Variants in AUTS2 observed in about 807,000 individuals in gnomAD.
The protein encoded by AUTS2 is activator of transcription and developmental regulator AUTS2, also known as autism susceptibility gene 2 protein.
AUTS2 carries 17 observed loss-of-function variants against 112.4 expected under a neutral mutation model. The observed-to-expected ratio is 0.15, with a 90% confidence interval of 0.10 to 0.23. The LOEUF is 0.23. Ranked by LOEUF, AUTS2 falls within the 10% of genes least tolerant of loss-of-function variation. AUTS2 has a pLI of 1.00. For missense variants in AUTS2, 1,510 were observed against 1,701.6 expected (o/e 0.89, Z 1.98); for synonymous variants, 751 against 702.7 (o/e 1.07, Z -1.09).
intron 2 of AUTS2, among the ~76,000 whole-genome samples, chr7:69,956,458 G>A (rs73429468): frequency 0.01 from 1,556 of 152,058 alleles, 39 homozygotes; most frequent in African/African-American, 0.035. Context: ...TCACTAAATT[G>A]GTTTTACAAT....
intron 4 of AUTS2, among the ~76,000 whole-genome samples, chr7:70,316,399 ATTT>A (rs398005114): frequency 0.084 from 7,776 of 92,472 alleles, 230 homozygotes; most frequent in African/African-American, 0.13. Context: ...CCAGGTCTCT[ATTT>A]TTTTTTTTTT....
intron 2 of AUTS2, among the ~76,000 whole-genome samples, chr7:70,039,697 G>A (rs1193250244): frequency 6.6e-6 from 1 of 152,070 alleles, no homozygotes; most frequent in Non-Finnish European, 1.5e-5. Flanking sequence ...ATTATTTAAC[G>A]AGATTTTTCC....
intron 5 of AUTS2, among the ~76,000 whole-genome samples, chr7:70,510,063 G>A (rs1380814322): frequency 6.6e-6 from 1 of 152,024 alleles, no homozygotes; most frequent in Non-Finnish European, 1.5e-5. Flanking sequence ...TAGGTCTTAG[G>A]TCCCCCAGAT....
intron 1 of AUTS2, among the ~76,000 whole-genome samples, chr7:69,887,266 A>C (rs1277642893): frequency 3.3e-5 from 5 of 151,964 alleles, no homozygotes; most frequent in African/African-American, 1.2e-4. Context: ...AATACAAAAA[A>C]TTAGCCGGGC....
In AUTS2 at chr7:70,309,036, G is replaced by A. The variant is rs547875668; in HGVS notation, c.661-126716G>A. On this transcript the variant is annotated intron_variant, in intron 4 of 18. Coordinates refer to ENST00000342771, the MANE Select transcript of AUTS2 (RefSeq NM_015570.4). Reference sequence around the variant, plus strand: ...TTTAAGAACACTGGAAAGGCAAGTGGTTGTATGGTAGTAGCAATTACATTG... The same window carrying A: ...TTTAAGAACACTGGAAAGGCAAGTGATTGTATGGTAGTAGCAATTACATTG... Among the ~76,000 whole-genome samples the A allele has an allele frequency of 3.9e-5, 6 of 152,320 alleles. 1 individual carries two copies. In the South Asian group the frequency reaches 1.2e-3, roughly 32 times the overall value.
intron 1 of AUTS2, among the ~76,000 whole-genome samples, chr7:69,627,394 G>A (rs1176554768): frequency 6.6e-6 from 1 of 152,138 alleles, no homozygotes; most frequent in African/African-American, 2.4e-5. Context: ...GGGAGGCCGA[G>A]GCAGGAGAAA....
At chr7:70,494,888 A>G (rs1235871119) in intron 5 of AUTS2, among the ~76,000 whole-genome samples, 1 of 152,098 alleles carries the variant, frequency 6.6e-6, no homozygotes, top group Non-Finnish European at 1.5e-5. Context: ...TTTTTTCCCC[A>G]GTCACTGTTA....
chr7:70,584,153 C>T (rs1180522664), intron 5 of AUTS2, among the ~76,000 whole-genome samples: 2 of 152,176 alleles, frequency 1.3e-5, no homozygotes, highest in South Asian at 2.1e-4. Context: ...CCTGTTTCTT[C>T]GCACTGAAGT....
At chr7:69,733,932 A>T (rs1786914475) in intron 1 of AUTS2, among the ~76,000 whole-genome samples, 1 of 152,136 alleles carries the variant, frequency 6.6e-6, no homozygotes, top group African/African-American at 2.4e-5. Flanking sequence ...GTAGTTCTCC[A>T]CGGGAAGGCT....
At chr7:69,750,468 T>C (rs1787688534) in intron 1 of AUTS2, among the ~76,000 whole-genome samples, 2 of 148,238 alleles carry the variant, frequency 1.3e-5, no homozygotes, top group Non-Finnish European at 3.0e-5. Flanking sequence ...TAACAAATAC[T>C]ATGTTAGTAG....
chr7:69,940,675 C>T (rs1375485307), intron 2 of AUTS2, among the ~76,000 whole-genome samples: 1 of 152,154 alleles, frequency 6.6e-6, no homozygotes, highest in Non-Finnish European at 1.5e-5. Context: ...TAACGTGTTT[C>T]TCACTAGTGA....
intron 3 of AUTS2, among the ~76,000 whole-genome samples, chr7:70,130,593 CAAAG>C (rs1278445525): frequency 1.3e-5 from 2 of 151,838 alleles, no homozygotes; most frequent in African/African-American, 4.8e-5. Flanking sequence ...AAGATTGAGA[CAAAG>C]AGAGTGTTTC....
intron 6 of AUTS2, among the ~76,000 whole-genome samples, chr7:70,714,686 C>CCCA (rs1810259087): frequency 6.6e-6 from 1 of 152,186 alleles, no homozygotes; most frequent in Non-Finnish European, 1.5e-5. Context: ...TGAAGACTGC[C>CCCA]CCACATTCTG....
chr7:69,924,527 TTTTC>T (rs985396390), intron 2 of AUTS2, among the ~76,000 whole-genome samples: 39 of 151,820 alleles, frequency 2.6e-4, no homozygotes, highest in East Asian at 1.4e-3. Flanking sequence ...TTGTCTTTTC[TTTTC>T]TTTCTTTCTT....
At chr7:70,554,369 T>C (rs1249957083) in intron 5 of AUTS2, among the ~76,000 whole-genome samples, 1 of 149,466 alleles carries the variant, frequency 6.7e-6, no homozygotes, top group Non-Finnish European at 1.5e-5. Flanking sequence ...GTGCCCGGCC[T>C]CTTTTTTTTC....
chr7:70,072,301 A>T (rs1802810836), intron 2 of AUTS2, among the ~76,000 whole-genome samples: 1 of 152,076 alleles, frequency 6.6e-6, no homozygotes, highest in Non-Finnish European at 1.5e-5. Context: ...GGCCTGAGTT[A>T]TTCTCTCCTT....
chr7:69,877,406 A>G (rs1411393800), intron 1 of AUTS2, among the ~76,000 whole-genome samples: 2 of 152,236 alleles, frequency 1.3e-5, no homozygotes, highest in Admixed American at 1.3e-4. Context: ...ACTAATATAT[A>G]GATCAGAAAC....
chr7:70,398,624 A>G (rs1197419595), intron 4 of AUTS2, among the ~76,000 whole-genome samples: 2 of 152,144 alleles, frequency 1.3e-5, no homozygotes, highest in Non-Finnish European at 2.9e-5. Flanking sequence ...TAGCTTTTTT[A>G]TAGATTCTCT....
At chr7:70,174,062 C>G (rs1388146906) in intron 4 of AUTS2, among the ~76,000 whole-genome samples, 1 of 151,724 alleles carries the variant, frequency 6.6e-6, no homozygotes, top group Non-Finnish European at 1.5e-5. Context: ...CCAAGATGGG[C>G]TGAAAGCTAA....
Sources: gnomAD v4.1 joint callset for allele counts (sites outside exome capture counted in the v4.1 genomes callset) on GRCh38, gnomAD v4.1.1 for gene constraint, MANE v1.5 for transcripts, NCBI Gene and HGNC (gene_info 2026-07-23, HGNC 2026-07-21) for gene names.